The following CORO2B variants were observed in gnomAD, a reference collection of about 807,000 sequenced individuals.
The protein encoded by CORO2B is coronin 2B.
Under a neutral mutation model 58.8 loss-of-function variants are expected in CORO2B, and 26 were observed. The observed-to-expected ratio is 0.44, with a 90% CI of 0.32 to 0.61. The LOEUF (loss-of-function observed/expected upper bound fraction) is 0.61, where lower values mean the gene tolerates loss of function less well. CORO2B is among the 20% of genes least tolerant of loss of function. The pLI, the probability that CORO2B is intolerant of heterozygous loss-of-function variation, is 0.04. For missense variants in CORO2B, 460 were observed against 645.1 expected (o/e 0.71, Z 3.11); for synonymous variants, 242 against 253.8 (o/e 0.95, Z 0.44).
At chr15:68,549,427 T>A in the CORO2B span, among the ~76,000 whole-genome samples, 1 of 152,196 alleles carries the variant, frequency 6.6e-6, no homozygotes, top group African/African-American at 2.4e-5. Context: ...TGGCTGGTTG[T>A]TTTTATGTGT....
At chr15:68,664,564 G>A (rs555480677) in intron 2 of CORO2B, among the ~76,000 whole-genome samples, 11 of 152,100 alleles carry the variant, frequency 7.2e-5, no homozygotes, top group South Asian at 6.2e-4. Context: ...GGAGAATGGC[G>A]TGAACCCGGG....
intron 3 of CORO2B, among the ~76,000 whole-genome samples, chr15:68,698,496 G>T (rs1892566661): frequency 6.6e-6 from 1 of 152,182 alleles, no homozygotes; most frequent in African/African-American, 2.4e-5. Context: ...TCCATGGTTT[G>T]TGTCCAAGAA....
chr15:68,708,774 G>A (rs968888773), intron 3 of CORO2B, among the ~76,000 whole-genome samples: 1 of 151,952 alleles, frequency 6.6e-6, no homozygotes, highest in South Asian at 2.1e-4. Flanking sequence ...TGAACTCCTG[G>A]GCTTAAGGGA....
At chr15:68,700,005 G>C (rs545406725) in intron 3 of CORO2B, among the ~76,000 whole-genome samples, 1 of 152,188 alleles carries the variant, frequency 6.6e-6, no homozygotes, top group Non-Finnish European at 1.5e-5. Context: ...AGCCTGGGAG[G>C]GGGTGGGGCG....
the CORO2B span, among the ~76,000 whole-genome samples, chr15:68,564,307 CTTTT>C: frequency 7.0e-6 from 1 of 142,586 alleles, no homozygotes. Context: ...GCAGTGAAAT[CTTTT>C]TTTTTTTTTT....
the CORO2B span, among the ~76,000 whole-genome samples, chr15:68,570,799 GTTTTTTTTTTT>G: frequency 2.5e-5 from 2 of 78,772 alleles, no homozygotes; most frequent in African/African-American, 5.3e-5. Flanking sequence ...ACTACACGTA[GTTTTTTTTTTT>G]TTTTTTTTTT....
chr15:68,605,914 G>A (rs548593493), intron 1 of CORO2B, among the ~76,000 whole-genome samples: 4 of 151,728 alleles, frequency 2.6e-5, no homozygotes, highest in Non-Finnish European at 4.4e-5. Context: ...TAGTAGAGAC[G>A]GGGGTTTCAC....
chr15:68,706,128 C>T (rs1433464870), intron 3 of CORO2B, among the ~76,000 whole-genome samples: 1 of 152,198 alleles, frequency 6.6e-6, no homozygotes, highest in Non-Finnish European at 1.5e-5. Context: ...CACACATGAC[C>T]TCTGGCCTCC....
At chr15:68,549,054 T>TC in the CORO2B span, among the ~76,000 whole-genome samples, 1 of 110,464 alleles carries the variant, frequency 9.1e-6, no homozygotes, top group Non-Finnish European at 2.3e-5. Flanking sequence ...ATACTCCTCT[T>TC]CTTCCTTCCT....
chr15:68,545,062 C>T, the CORO2B span, among the ~76,000 whole-genome samples: 1 of 152,144 alleles, frequency 6.6e-6, no homozygotes. Flanking sequence ...GCTTGAGCCA[C>T]CACGCCCGGC....
At chr15:68,574,414 G>A (rs1371517571), upstream of CORO2B, among the ~76,000 whole-genome samples, 1 of 152,162 alleles carries the variant, frequency 6.6e-6, no homozygotes, top group Non-Finnish European at 1.5e-5. Flanking sequence ...ACTCACCCAT[G>A]GTCTGGGATG....
At chr15:68,725,418 A>G (rs1055832948) in intron 11 of CORO2B, among the ~76,000 whole-genome samples, 1 of 152,070 alleles carries the variant, frequency 6.6e-6, no homozygotes, top group African/African-American at 2.4e-5. Context: ...TAATATATGT[A>G]ATACATGTAA....
Position 68,695,125 on chromosome 15 carries a change from C to T in CORO2B, c.217-15C>T. 1.3e-6 allele frequency: 2 copies of T among 1,599,706 alleles called. No homozygotes were observed. The highest frequency in any genetic ancestry group is 8.6e-7 in the Non-Finnish European group (1 of 1,167,240). On this transcript the variant is annotated splice_polypyrimidine_tract_variant and intron_variant, in intron 2 of 11. Transcript: ENST00000261861. ...AACTAATCTCCTTCTCTCTCTCTCT[C>T]TTTCTCCTCTGCAGACAGGCAGGAT...
intron 1 of CORO2B, among the ~76,000 whole-genome samples, chr15:68,613,657 CAG>C (rs1246226966): frequency 6.6e-6 from 1 of 152,186 alleles, no homozygotes; most frequent in Non-Finnish European, 1.5e-5. Flanking sequence ...CTGAATTAAA[CAG>C]GGGTTATCAA....
the CORO2B span, among the ~76,000 whole-genome samples, chr15:68,542,321 T>A: frequency 2.6e-5 from 4 of 151,918 alleles, no homozygotes; most frequent in Middle Eastern, 3.6e-3. Context: ...AATTTCTGTC[T>A]TCAAACTTCT....
At chr15:68,721,381 T>A (rs1354413646) in intron 11 of CORO2B, among the ~76,000 whole-genome samples, 1 of 151,890 alleles carries the variant, frequency 6.6e-6, no homozygotes, top group Non-Finnish European at 1.5e-5. Flanking sequence ...AGTGGTGCAG[T>A]GTAGGTGGGT....
intron 3 of CORO2B, among the ~76,000 whole-genome samples, chr15:68,697,198 A>ATTGT: frequency 6.6e-6 from 1 of 151,760 alleles, no homozygotes. Flanking sequence ...TGTTGGATGG[A>ATTGT]TGGATGGATG....
intron 2 of CORO2B, among the ~76,000 whole-genome samples, chr15:68,659,932 T>C (rs1901961234): frequency 6.6e-6 from 1 of 152,104 alleles, no homozygotes; most frequent in Non-Finnish European, 1.5e-5. Flanking sequence ...AAAAAAAGTC[T>C]ATCCTCATCT....
intron 1 of CORO2B, among the ~76,000 whole-genome samples, chr15:68,598,910 G>T (rs1393134609): frequency 6.6e-6 from 1 of 152,168 alleles, no homozygotes; most frequent in Non-Finnish European, 1.5e-5. Context: ...GTCTGTCCTG[G>T]GAACAGGCCC....
Sources: allele counts gnomAD v4.1 joint callset (sites outside exome capture counted in the v4.1 genomes callset), GRCh38; gene constraint gnomAD v4.1.1; transcripts MANE v1.5; gene names NCBI Gene and HGNC (gene_info 2026-07-23, HGNC 2026-07-21).